Variants in ANO3 observed in about 807,000 individuals in gnomAD.
ANO3 encodes anoctamin 3, also known as anoctamin-3.
In ANO3, 99 loss-of-function variants were observed where a neutral mutation model predicts 144.8. The observed-to-expected ratio is 0.68, with a 90% confidence interval of 0.58 to 0.81. The LOEUF (loss-of-function observed/expected upper bound fraction) is 0.81, where lower values mean the gene tolerates loss of function less well. Ranked by LOEUF, ANO3 falls within the 30% of genes least tolerant of loss-of-function variation. The pLI is 0.00. For missense variants in ANO3, 905 were observed against 1,202.2 expected, an observed-to-expected ratio of 0.75 and a Z score of 3.66; for synonymous variants, 414 against 392.6, an observed-to-expected ratio of 1.05 and a Z score of -0.64.
upstream of ANO3, among the ~76,000 whole-genome samples, chr11:26,304,991 TA>T (rs1465924697): frequency 6.6e-6 from 1 of 152,020 alleles, no homozygotes; most frequent in Non-Finnish European, 1.5e-5. Flanking sequence ...TTATCCCAAT[TA>T]AAGGACTTGA....
chr11:26,222,235 G>A (rs993047721), intron 1 of ANO3, among the ~76,000 whole-genome samples: 5 of 152,222 alleles, frequency 3.3e-5, no homozygotes, highest in Admixed American at 6.5e-5. Context: ...ACAGAAGAGC[G>A]GTCATTAAAT....
Position 26,598,891 on chromosome 11 carries a change from T to C in ANO3, c.1564T>C (p.Tyr522His). The stretch of plus-strand genomic sequence containing the variant: ...TCGTCCCCAGTTTGAAGCCAAGTAT[T>C]ACAAGATGGAGATTGTAAATCCCAT... ...TLRPQFEAKYYKMEIVNPITG... is the reference protein window; with the variant it reads ...TLRPQFEAKYHKMEIVNPITG... Residue 522 changes from tyrosine to histidine, a missense_variant, in exon 16 of 27, where the codon TAC becomes CAC. Physicochemically the swap from Tyr to His is moderately conservative, Grantham distance 83 (BLOSUM62 2). Around this residue, in one of 4 missense-constraint regions of ANO3, gnomAD observed 597 missense variants for 865.1 expected, o/e 0.69. Coordinates refer to ENST00000256737, the MANE Select transcript of ANO3 (RefSeq NM_031418.4). The C allele has an allele frequency of 1.2e-6, 2 of 1,613,950 alleles. No individual in the cohort carries two copies. The highest frequency in any genetic ancestry group is 1.7e-6 in the Non-Finnish European group (2 of 1,179,968).
At chr11:26,232,215 G>A (rs545901675) in intron 1 of ANO3, among the ~76,000 whole-genome samples, 1 of 152,142 alleles carries the variant, frequency 6.6e-6, no homozygotes, top group Non-Finnish European at 1.5e-5. Flanking sequence ...GTTACAATAT[G>A]AACCCATGAG....
intron 1 of ANO3, among the ~76,000 whole-genome samples, chr11:26,300,564 T>C (rs1854203194): frequency 6.6e-6 from 1 of 152,276 alleles, no homozygotes; most frequent in African/African-American, 2.4e-5. Context: ...CTCCTCATTA[T>C]AGATGGGGAG....
rs545652810 is a variant in ANO3, at chr11:26,301,521, T to C, written c.155-8124T>C. On this transcript the variant is annotated intron_variant, in intron 1 of 27. Transcript: ENST00000672621. Reference sequence around the variant, plus strand: ...TAGGTTTCTTTGATGCAGCTACACATAATTCAAGTGCTCCAAGGATTACAA... The same window carrying C: ...TAGGTTTCTTTGATGCAGCTACACACAATTCAAGTGCTCCAAGGATTACAA... Among the ~76,000 whole-genome samples, 8 of 152,322 alleles carry C rather than the reference T, an allele frequency of 5.3e-5. No individual in the cohort carries two copies. In the South Asian group the frequency reaches 1.7e-3, roughly 32 times the overall value.
At chr11:26,469,798 G>A (rs976535292) in intron 4 of ANO3, among the ~76,000 whole-genome samples, 3 of 151,890 alleles carry the variant, frequency 2.0e-5, no homozygotes, top group African/African-American at 7.2e-5. Context: ...ATATTATAAT[G>A]TAATTTATAA....
intron 12 of ANO3, among the ~76,000 whole-genome samples, chr11:26,548,893 G>C (rs1387150371): frequency 6.6e-6 from 1 of 151,028 alleles, no homozygotes; most frequent in Non-Finnish European, 1.5e-5. Context: ...GTATTCTGTT[G>C]TATCAGTAAC....
intron 24 of ANO3, 112 bp downstream of exon 24, chr11:26,647,968 G>A: frequency 3.0e-6 from 3 of 1,002,638 alleles, no homozygotes; most frequent in Non-Finnish European, 2.8e-6. Context: ...TCTAAGCATT[G>A]CATTTATAAT....
chr11:26,326,687 A>T (rs1854892273), intron 1 of ANO3, among the ~76,000 whole-genome samples: 1 of 152,170 alleles, frequency 6.6e-6, no homozygotes, highest in Admixed American at 6.6e-5. Context: ...ATAACTACAA[A>T]GGTTACCTCC....
chr11:26,551,449 G>T (rs1268020842), intron 12 of ANO3, among the ~76,000 whole-genome samples: 1 of 151,890 alleles, frequency 6.6e-6, no homozygotes, highest in Non-Finnish European at 1.5e-5. Context: ...ACTAAAAAAT[G>T]TCAAAAGTTT....
chr11:26,423,551 T>G (rs2134000805), intron 1 of ANO3, among the ~76,000 whole-genome samples: 1 of 151,904 alleles, frequency 6.6e-6, no homozygotes, highest in Admixed American at 6.6e-5. Context: ...TTCATATCAA[T>G]TTTTTTTAAA....
intron 14 of ANO3, among the ~76,000 whole-genome samples, chr11:26,571,073 G>A (rs1850805704): frequency 6.6e-6 from 1 of 152,120 alleles, no homozygotes; most frequent in Non-Finnish European, 1.5e-5. Flanking sequence ...CTTAGGCTAT[G>A]TAACTACAGG....
intron 3 of ANO3, among the ~76,000 whole-genome samples, chr11:26,460,639 TC>T (rs1311732553): frequency 7.2e-5 from 11 of 152,010 alleles, no homozygotes; most frequent in Admixed American, 3.3e-4. Context: ...GATTTAGCTT[TC>T]CTCCAGCAAG....
chr11:26,222,818 T>C (rs2133793876), intron 1 of ANO3, among the ~76,000 whole-genome samples: 1 of 152,270 alleles, frequency 6.6e-6, no homozygotes, highest in East Asian at 1.9e-4. Context: ...GGGATGAGCC[T>C]CTCAGGGTGG....
intron 5 of ANO3, among the ~76,000 whole-genome samples, chr11:26,513,481 C>A (rs1019027948): frequency 1.3e-5 from 2 of 152,094 alleles, no homozygotes; most frequent in Admixed American, 6.6e-5. Flanking sequence ...AAATCGGGAA[C>A]AACCTGGTAG....
rs550057766 is a variant in ANO3, at chr11:26,586,503, C to CTTTTTTTTTTTTTTTTTTTTTTT, written c.1448-11844_1448-11843insTTTTTTTTTTTTTTTTTTTTTTT. 5.1e-3 allele frequency among the ~76,000 whole-genome samples: 413 copies of CTTTTTTTTTTTTTTTTTTTTTTT among 81,432 alleles called. 98 individuals are homozygous for CTTTTTTTTTTTTTTTTTTTTTTT. Among genetic ancestry groups the CTTTTTTTTTTTTTTTTTTTTTTT allele is most frequent in the African/African-American group, 8.9e-3 (170 of 19,038 alleles). The allele number at this position is 81,432 out of a possible 152,430, so 53.4% of individuals were successfully genotyped here. On this transcript the variant is annotated intron_variant, in intron 14 of 26. Transcript: ENST00000256737. ...AAGAAGGGGCTTCCCTGGTGAGAAT[C>CTTTTTTTTTTTTTTTTTTTTTTT]TTTTTTTTTTTTTTTTTTGAGACAT...
intron 1 of ANO3, among the ~76,000 whole-genome samples, chr11:26,219,676 C>T (rs184051351): frequency 2.2e-4 from 33 of 152,216 alleles, no homozygotes; most frequent in Admixed American, 1.0e-3. Flanking sequence ...ATAAGTCTAA[C>T]GAAAGCTCAG....
At chr11:26,420,755 G>A (rs989865338) in intron 1 of ANO3, among the ~76,000 whole-genome samples, 7 of 151,970 alleles carry the variant, frequency 4.6e-5, no homozygotes, top group South Asian at 2.1e-4. Flanking sequence ...CTCTTTATTG[G>A]TTTCTTTTCA....
At chr11:26,250,353 G>A (rs1336829139) in intron 1 of ANO3, among the ~76,000 whole-genome samples, 1 of 152,102 alleles carries the variant, frequency 6.6e-6, no homozygotes, top group Admixed American at 6.5e-5. Flanking sequence ...TCTCTCTGGA[G>A]GAAAAAGTAA....
Sources: allele counts gnomAD v4.1 joint callset (sites outside exome capture counted in the v4.1 genomes callset), GRCh38; gene constraint gnomAD v4.1.1; regional missense constraint gnomAD v4.1.1; transcripts MANE v1.5; gene names NCBI Gene and HGNC (gene_info 2026-07-23, HGNC 2026-07-21).